BMP2K: variants seen among roughly 807,000 people sequenced by gnomAD.
BMP2K encodes the protein BMP-2-inducible protein kinase.
BMP2K carries 74 observed loss-of-function variants against 116.0 expected under a neutral mutation model. The observed-to-expected ratio is 0.64, with a 90% confidence interval of 0.53 to 0.77. The LOEUF (loss-of-function observed/expected upper bound fraction) is 0.77, where lower values mean the gene tolerates loss of function less well. BMP2K is among the 30% of genes least tolerant of loss of function. BMP2K has a pLI of 0.00. For synonymous variants in BMP2K, 486 were observed against 502.5 expected, an observed-to-expected ratio of 0.97 and a Z score of 0.44; for missense variants, 1,365 against 1,403.6, an observed-to-expected ratio of 0.97 and a Z score of 0.44.
At chr4:78,850,695 G>A (rs1047091946) in intron 6 of BMP2K, among the ~76,000 whole-genome samples, 7 of 151,728 alleles carry the variant, frequency 4.6e-5, no homozygotes, top group Non-Finnish European at 8.8e-5. Context: ...TAATTTTTAC[G>A]ATACCATTAA....
In BMP2K at chr4:78,847,171, C is replaced by T; in HGVS notation, c.669-17C>T. Reference sequence around the variant, plus strand: ...ATATATATATATCTCCACTCCATTTCACTCATTTACTGCCAGGTATACAAC... The same window carrying T: ...ATATATATATATCTCCACTCCATTTTACTCATTTACTGCCAGGTATACAAC... On this transcript the variant is annotated splice_polypyrimidine_tract_variant and intron_variant, in intron 5 of 15. Transcript: ENST00000502613. 7.1e-7 allele frequency: 1 copy of T among 1,409,738 alleles called. No homozygotes were observed. The highest frequency in any genetic ancestry group is 9.5e-7 in the Non-Finnish European group (1 of 1,053,848). 87.3% of individuals were successfully genotyped at this position (1,409,738 alleles called of 1,614,324 possible). A position where few individuals can be genotyped will look rare whatever the true frequency, so the allele number is the denominator to read the frequency against.
chr4:78,781,718 A>T (rs578061350), intron 1 of BMP2K, among the ~76,000 whole-genome samples: 8 of 152,280 alleles, frequency 5.3e-5, no homozygotes, highest in Admixed American at 2.0e-4. Context: ...CATTGTAAAC[A>T]TTCAGAGGAT....
intron 3 of BMP2K, among the ~76,000 whole-genome samples, chr4:78,835,119 G>A (rs1730404852): frequency 6.6e-6 from 1 of 152,122 alleles, no homozygotes; most frequent in South Asian, 2.1e-4. Context: ...TTGTCACTTA[G>A]AAGACATCTT....
intron 2 of BMP2K, among the ~76,000 whole-genome samples, chr4:78,829,787 T>TTTCTC (rs745602899): frequency 0.1 from 8,765 of 86,106 alleles, 806 homozygotes; most frequent in Non-Finnish European, 0.14. Flanking sequence ...TTTCTTTTCT[T>TTTCTC]TTCTCTTCTC....
In BMP2K at chr4:78,911,699, A is replaced by G; in HGVS notation, c.3152A>G (p.Asp1051Gly). 2 of 1,613,880 alleles carry G rather than the reference A, an allele frequency of 1.2e-6. No individual in the cohort carries two copies. Among genetic ancestry groups the G allele is most frequent in the Non-Finnish European group, 1.7e-6 (2 of 1,179,866 alleles). Residue 1051 changes from aspartate (D) to glycine (G), a missense_variant, in exon 16 of 16, where the codon GAT becomes GGT. Around this residue, in one of 3 missense-constraint regions of BMP2K, gnomAD observed 596 missense variants for 623.2 expected, o/e 0.96. Transcript: ENST00000502613. ...SKENISVALT[D>G]GKDRGNVLQP... is the part of the protein sequence containing the mutation. ...GAGAACATTAGTGTTGCACTGACTG[A>G]TGGGAAAGATAGGGGGAATGTCTTA...
chr4:78,842,478 T>C lies in BMP2K; in HGVS notation c.497T>C (p.Val166Ala), dbSNP rs768140872. 10 of 1,608,130 alleles carry C rather than the reference T, an allele frequency of 6.2e-6. No homozygotes were observed. The Admixed American group carries it at 1.7e-4, about 27-fold the overall frequency. The change falls in exon 4 of 16, where the codon GTT becomes GCT. Residue 166 changes from valine to alanine, a missense_variant. Physicochemically the swap from Val to Ala is moderately conservative, Grantham distance 64. Coordinates refer to ENST00000502613, the MANE Select transcript of BMP2K (RefSeq NM_198892.2). ...LQIFCDTCEA[V>A]ARLHQCKTPI... ...ATATTCTGTGATACCTGTGAAGCTG[T>C]TGCAAGGTTGCATCAGTGTAAGACT... is the stretch of plus-strand genomic sequence containing the variant.
intron 1 of BMP2K, among the ~76,000 whole-genome samples, chr4:78,802,736 T>C (rs751782283): frequency 4.6e-5 from 7 of 152,238 alleles, no homozygotes; most frequent in African/African-American, 7.2e-5. Flanking sequence ...TTGTAGTTTT[T>C]ATGTATACAC....
At chr4:78,801,410 A>G (rs1301416199) in intron 1 of BMP2K, among the ~76,000 whole-genome samples, 1 of 151,252 alleles carries the variant, frequency 6.6e-6, no homozygotes, top group Non-Finnish European at 1.5e-5. Context: ...ATAACTTTCC[A>G]TTGTAAGATA....
intron 9 of BMP2K, among the ~76,000 whole-genome samples, chr4:78,863,024 T>A (rs1310763944): frequency 3.3e-5 from 5 of 151,984 alleles, no homozygotes; most frequent in Admixed American, 2.6e-4. Flanking sequence ...TGCAGATTTT[T>A]AAAAAAAGCG....
Position 78,911,618 on chromosome 4 carries a change from T to A in BMP2K, c.3071T>A (p.Val1024Glu). The A allele has an allele frequency of 1.2e-6, 2 of 1,613,828 alleles. No homozygotes were observed. Among genetic ancestry groups the A allele is most frequent in the Non-Finnish European group, 1.7e-6 (2 of 1,179,828 alleles). Residue 1024 changes from valine to glutamate, a missense_variant, in exon 16 of 16, where the codon GTG becomes GAG. Around this residue, in one of 3 missense-constraint regions of BMP2K, gnomAD observed 596 missense variants for 623.2 expected, o/e 0.96. Transcript: ENST00000502613. ...TPERARRHKK[V>E]GRRDSQSSNE... ...GAGAGGGCTCGCAGGCACAAAAAAG[T>A]GGGCCGCCGAGACTCTCAAAGTAGC...
chr4:78,916,194 A>AT lies in BMP2K; in HGVS notation c.*4165dup, dbSNP rs1333506441. 1 of 151,718 alleles carries AT rather than the reference A, an allele frequency of 6.6e-6. No homozygotes were observed. Among genetic ancestry groups the AT allele is most frequent in the East Asian group, 1.9e-4 (1 of 5,186 alleles). 9.4% of individuals were successfully genotyped at this position (151,718 alleles called of 1,614,324 possible). Reference sequence around the variant, plus strand: ...GCCATATCTAATTAAGCACTAACTGATTTTATTACTTTATTGCCTTTACAC... The same window carrying AT: ...GCCATATCTAATTAAGCACTAACTGATTTTTATTACTTTATTGCCTTTACAC... On this transcript the variant is annotated 3_prime_UTR_variant, in exon 16 of 16. Transcript: ENST00000502613.
At chr4:78,890,867 G>C (rs1485237429) in intron 15 of BMP2K, among the ~76,000 whole-genome samples, 1 of 152,084 alleles carries the variant, frequency 6.6e-6, no homozygotes, top group Non-Finnish European at 1.5e-5. Context: ...TCTAGTTGTT[G>C]CTTGAGAAAA....
intron 1 of BMP2K, among the ~76,000 whole-genome samples, chr4:78,823,531 T>C (rs1729728781): frequency 1.4e-5 from 2 of 147,864 alleles, no homozygotes; most frequent in South Asian, 4.2e-4. Context: ...TATAGTTATA[T>C]ATATGGTTAT....
rs937804102 is a variant in BMP2K, at chr4:78,871,113, A to T, written c.1509+53A>T. ...AAGTAGTGTGAAATTGATGCAGCAA[A>T]TTGAATATCAGTGAATTCCTTTTTG... On this transcript the variant is annotated intron_variant, in intron 11 of 15. Transcript: ENST00000502613. 9.5e-6 allele frequency: 15 copies of T among 1,580,652 alleles called. No homozygotes were observed. The East Asian group carries it at 2.7e-4, about 28-fold the overall frequency.
intron 3 of BMP2K, 21 bp downstream of exon 3, chr4:78,833,708 G>A (rs778169576): frequency 1.9e-6 from 3 of 1,540,394 alleles, no homozygotes; most frequent in South Asian, 2.4e-5. Context: ...TTTTGCATTT[G>A]TACTGTAATA....
chr4:78,804,439 A>G (rs72659098), intron 1 of BMP2K, among the ~76,000 whole-genome samples: 1 of 152,294 alleles, frequency 6.6e-6, no homozygotes, highest in Non-Finnish European at 1.5e-5. Flanking sequence ...AGATTGTTCT[A>G]CACTTGATAC....
At chr4:78,782,806 G>GAA (rs1727567041) in intron 1 of BMP2K, among the ~76,000 whole-genome samples, 1 of 152,046 alleles carries the variant, frequency 6.6e-6, no homozygotes, top group Non-Finnish European at 1.5e-5. Flanking sequence ...GCTTTTTTTG[G>GAA]ATGCTGAGCT....
rs938942450 is a variant in BMP2K at position 78,899,385 on chromosome 4, G to C, written c.2063-11225G>C. On this transcript the variant is annotated intron_variant, in intron 15 of 15. Transcript: ENST00000502613. ...CAAGAAAAGAGTTCACATTCACATA[G>C]GTTGAGTTTGAGTTGTCTGTAGGGG... 1.3e-5 allele frequency among the ~76,000 whole-genome samples: 2 copies of C among 152,158 alleles called. 1 individual carries two copies.
chr4:78,781,320 G>A (rs1355033430), intron 1 of BMP2K, among the ~76,000 whole-genome samples: 1 of 152,168 alleles, frequency 6.6e-6, no homozygotes, highest in Non-Finnish European at 1.5e-5. Context: ...AGATGATAAT[G>A]CTTAAATGGG....
Sources: gnomAD v4.1 joint callset for allele counts (sites outside exome capture counted in the v4.1 genomes callset) on GRCh38, gnomAD v4.1.1 for gene constraint, gnomAD v4.1.1 regional missense constraint, MANE v1.5 for transcripts, NCBI Gene and HGNC (gene_info 2026-07-23, HGNC 2026-07-21) for gene names.